DOCK1: variants seen among roughly 807,000 people sequenced by gnomAD.
The protein encoded by DOCK1 is dedicator of cytokinesis protein 1.
DOCK1 carries 138 observed loss-of-function variants against 262.7 expected under a neutral mutation model. The observed-to-expected ratio is 0.53, with a 90% CI of 0.46 to 0.61. DOCK1 has a LOEUF of 0.61. Ranked by LOEUF, DOCK1 falls within the 20% of genes least tolerant of loss-of-function variation. The pLI is 0.00. For synonymous variants in DOCK1, 866 were observed against 867.4 expected, an observed-to-expected ratio of 1.00 and a Z score of 0.03; for missense variants, 1,908 against 2,370.7, an observed-to-expected ratio of 0.80 and a Z score of 4.05.
chr10:127,074,385 A>G (rs1427546935), intron 23 of DOCK1, among the ~76,000 whole-genome samples: 2 of 152,204 alleles, frequency 1.3e-5, no homozygotes, highest in Non-Finnish European at 2.9e-5. Context: ...TTTTCATGAC[A>G]TCACTCAAGT....
At chr10:127,405,799 GTCCTGGTCAC>G (rs11277684) in intron 40 of DOCK1, among the ~76,000 whole-genome samples, 29,004 of 151,996 alleles carry the variant, frequency 0.19, 2,812 homozygotes, top group East Asian at 0.25. Context: ...GTCTGGCCCT[GTCCTGGTCAC>G]TCCTGGTCAC....
chr10:127,281,798 A>G (rs974786828), intron 29 of DOCK1, among the ~76,000 whole-genome samples: 10 of 152,118 alleles, frequency 6.6e-5, no homozygotes, highest in Admixed American at 6.5e-5. Flanking sequence ...GCAGTTATCA[A>G]TTCAGATGAG....
chr10:127,405,352 T>C (rs2067458180), intron 40 of DOCK1, among the ~76,000 whole-genome samples: 1 of 152,060 alleles, frequency 6.6e-6, no homozygotes, highest in Admixed American at 6.5e-5. Flanking sequence ...CTGCCTGGCC[T>C]ACCATAGAAT....
intron 50 of DOCK1, 45 bp from the exon 51 acceptor site, chr10:127,447,349 C>G (rs1271079497): frequency 1.3e-6 from 2 of 1,585,890 alleles, no homozygotes; most frequent in Non-Finnish European, 1.7e-6. Context: ...CATTCAGGCT[C>G]CGTGGGGAAG....
intron 1 of DOCK1, among the ~76,000 whole-genome samples, chr10:126,923,908 G>C (rs1352369066): frequency 6.6e-6 from 1 of 152,214 alleles, no homozygotes; most frequent in Non-Finnish European, 1.5e-5. Flanking sequence ...TATGAGCCAG[G>C]AAACAGGCCC....
At chr10:127,349,219 A>G (rs1367266168) in intron 31 of DOCK1, among the ~76,000 whole-genome samples, 1 of 149,784 alleles carries the variant, frequency 6.7e-6, no homozygotes, top group Non-Finnish European at 1.5e-5. Context: ...CCTCCCACCC[A>G]CTCCGATGCT....
In DOCK1 at chr10:127,092,029, A is replaced by G. The variant is rs188672237; in HGVS notation, c.2446-14202A>G. 5.9e-5 allele frequency among the ~76,000 whole-genome samples: 9 copies of G among 152,348 alleles called. No individual in the cohort carries two copies. The East Asian group carries it at 1.7e-3, about 29-fold the overall frequency. ...ATTTGTACTGCCCTATTGAAATTCA[A>G]ATAAAATACAGCTAAATGTTCCATT... On this transcript the variant is annotated intron_variant, in intron 23 of 51. Transcript: ENST00000623213.
intron 27 of DOCK1, among the ~76,000 whole-genome samples, chr10:127,235,866 GAC>G (rs2059030467): frequency 6.6e-6 from 1 of 151,610 alleles, no homozygotes; most frequent in South Asian, 2.1e-4. Flanking sequence ...TGTTCCTATT[GAC>G]TAGTAAGATA....
chr10:127,183,381 A>G (rs1160060027), intron 27 of DOCK1, among the ~76,000 whole-genome samples: 3 of 152,156 alleles, frequency 2.0e-5, no homozygotes, highest in Non-Finnish European at 4.4e-5. Flanking sequence ...TTGTATTTTC[A>G]TCGTAGTATG....
chr10:127,400,465 G>T (rs2067157223), intron 38 of DOCK1, among the ~76,000 whole-genome samples: 1 of 152,228 alleles, frequency 6.6e-6, no homozygotes, highest in Non-Finnish European at 1.5e-5. Flanking sequence ...GGCAGGAGGT[G>T]GGGAAGCAGC....
Position 127,027,289 on chromosome 10 carries a change from C to T in DOCK1, c.1624+865C>T, listed in dbSNP as rs191172219. Among the ~76,000 whole-genome samples, 6 of 152,348 alleles carry T rather than the reference C, an allele frequency of 3.9e-5. No homozygotes were observed. In the East Asian group the frequency reaches 1.2e-3, roughly 30 times the overall value. ...TAAGCATGAGCCTCTTCTGTATCTT[C>T]ATTTGAGGATAAGAATACCTTTCTG... On this transcript the variant is annotated intron_variant, in intron 16 of 51. Coordinates refer to ENST00000623213, the MANE Select transcript of DOCK1 (RefSeq NM_001290223.2).
chr10:127,319,859 A>C (rs1008913189), intron 29 of DOCK1, among the ~76,000 whole-genome samples: 5 of 152,212 alleles, frequency 3.3e-5, no homozygotes, highest in Non-Finnish European at 5.9e-5. Flanking sequence ...TGCTTCTGGC[A>C]TGACCTAGGA....
chr10:127,408,000 T>C (rs546628704), intron 40 of DOCK1, among the ~76,000 whole-genome samples: 1 of 152,084 alleles, frequency 6.6e-6, no homozygotes, highest in African/African-American at 2.4e-5. Context: ...AGGTACTCAT[T>C]GGCCCCTTTC....
chr10:126,990,233 T>G (rs920438209), intron 5 of DOCK1, among the ~76,000 whole-genome samples: 1 of 152,240 alleles, frequency 6.6e-6, no homozygotes, highest in African/African-American at 2.4e-5. Flanking sequence ...TTGGGGATTA[T>G]GCATTACTTT....
At position 127,379,668 on chromosome 10, in the gene DOCK1, A is replaced by G. The variant is rs529071366; in HGVS notation, c.3676-414A>G. ...TGTAGCTCTTGCTGAGGCTGGGCCC[A>G]GAAAGCTTTAAATCATGTTGATGAT... On this transcript the variant is annotated intron_variant, in intron 35 of 51. Transcript: ENST00000623213. Among the ~76,000 whole-genome samples the G allele has an allele frequency of 3.9e-5, 6 of 152,362 alleles. No individual in the cohort carries two copies. In the South Asian group the frequency reaches 1.0e-3, roughly 26 times the overall value.
At chr10:127,311,252 G>A (rs1216729828) in intron 29 of DOCK1, among the ~76,000 whole-genome samples, 1 of 152,164 alleles carries the variant, frequency 6.6e-6, no homozygotes, top group Non-Finnish European at 1.5e-5. Flanking sequence ...CATTCATCCT[G>A]CAGAAGGAAC....
At chr10:127,225,537 C>T (rs1474208736) in intron 27 of DOCK1, among the ~76,000 whole-genome samples, 2 of 152,220 alleles carry the variant, frequency 1.3e-5, no homozygotes, top group Non-Finnish European at 2.9e-5. Context: ...TGACTGCCAG[C>T]AACCAAATGA....
At chr10:127,168,206 T>C (rs187753050) in intron 27 of DOCK1, among the ~76,000 whole-genome samples, 3 of 152,160 alleles carry the variant, frequency 2.0e-5, no homozygotes, top group Non-Finnish European at 4.4e-5. Flanking sequence ...TCTGGAAAAA[T>C]GGAAGAACCA....
At chr10:127,007,222 C>T (rs1347153017) in intron 10 of DOCK1, among the ~76,000 whole-genome samples, 1 of 152,082 alleles carries the variant, frequency 6.6e-6, no homozygotes, top group Non-Finnish European at 1.5e-5. Context: ...GTGTGGGTGT[C>T]GTCTCTTACG....
Sources: gnomAD v4.1 joint callset for allele counts (sites outside exome capture counted in the v4.1 genomes callset) on GRCh38, gnomAD v4.1.1 for gene constraint, MANE v1.5 for transcripts, NCBI Gene and HGNC (gene_info 2026-07-23, HGNC 2026-07-21) for gene names.